Variants in MROH7 observed in about 807,000 individuals in gnomAD.
MROH7 encodes the protein maestro heat-like repeat-containing protein family member 7.
MROH7 carries 113 observed loss-of-function variants against 129.2 expected under a neutral mutation model. That is an observed-to-expected ratio of 0.87 (90% CI 0.75 to 1.02). The LOEUF (loss-of-function observed/expected upper bound fraction) is 1.02. Ranked by LOEUF, MROH7 falls within the 50% of genes least tolerant of loss-of-function variation. The probability of loss-of-function intolerance (pLI) is 0.00; values close to 1 mark genes in which losing one functional copy is unlikely to be tolerated. For synonymous variants in MROH7, 655 were observed against 667.9 expected (o/e 0.98, Z 0.30); for missense variants, 1,601 against 1,671.3 (o/e 0.96, Z 0.73).
At position 54,681,330 on chromosome 1, in the gene MROH7, G is replaced by A. The variant is rs546784911; in HGVS notation, c.2381+1285G>A. ...TATAGGAGCTGCCCTGGCTTAAATG[G>A]CACAGGCCTCACAGAGACCAGTATC... On this transcript the variant is annotated intron_variant, in intron 13 of 23. Transcript: ENST00000421030. 1.0e-3 allele frequency among the ~76,000 whole-genome samples: 153 copies of A among 152,150 alleles called. 1 individual carries two copies. The highest frequency in any genetic ancestry group is 2.0e-3 in the Non-Finnish European group (133 of 68,026).
chr1:54,670,559 G>C lies in MROH7; in HGVS notation c.1452G>C (p.Glu484Asp), dbSNP rs1265622187. 1 of 1,613,582 alleles carries C rather than the reference G, an allele frequency of 6.2e-7. No homozygotes were observed. The highest frequency in any genetic ancestry group is 8.5e-7 in the Non-Finnish European group (1 of 1,179,772). Reference protein sequence around the residue: ...LSSSVRKQAMEILTQLSHTQP... With the variant: ...LSSSVRKQAMDILTQLSHTQP... ...GCTCCGTCCGCAAGCAGGCCATGGA[G>C]ATCCTGACCCAGCTGAGGTGTCCAT... The change falls in exon 6 of 24, where the codon GAG becomes GAC. Residue 484 changes from glutamate (E) to aspartate (D), a missense_variant. Transcript: ENST00000421030.
Position 54,686,266 on chromosome 1 carries a change from C to A in MROH7, c.2529C>A (p.Ser843Arg). Residue 843 changes from serine to arginine, a missense_variant, in exon 15 of 24, where the codon AGC (serine) becomes AGA (arginine). Coordinates refer to ENST00000421030, the MANE Select transcript of MROH7 (RefSeq NM_001039464.4). ...RASIVPLAAASGLCELLSVNS... is the reference protein window; with the variant it reads ...RASIVPLAAARGLCELLSVNS... ...TCCCCTCTGCCCCATAGGCAGCCAGCGGCCTGTGCGAGCTCCTGTCCGTCA... is the reference window on the plus strand; with the variant it reads ...TCCCCTCTGCCCCATAGGCAGCCAGAGGCCTGTGCGAGCTCCTGTCCGTCA... 6.2e-7 allele frequency: 1 copy of A among 1,612,300 alleles called. No homozygotes were observed.
chr1:54,687,851 T>C (rs1645172440), intron 15 of MROH7, among the ~76,000 whole-genome samples: 1 of 151,298 alleles, frequency 6.6e-6, no homozygotes, highest in South Asian at 2.1e-4. Context: ...ATGAATGACA[T>C]TGAGTTTGCT....
At chr1:54,663,685 TAAAAA>T in intron 3 of MROH7, 2 of 276,402 alleles carry the variant, frequency 7.2e-6, no homozygotes, top group Admixed American at 5.0e-5. Context: ...CCATCAGCTC[TAAAAA>T]AAAAAAAAAA....
At chr1:54,674,758 A>G (rs1430252161) in intron 10 of MROH7, among the ~76,000 whole-genome samples, 1 of 152,148 alleles carries the variant, frequency 6.6e-6, no homozygotes, top group Non-Finnish European at 1.5e-5. Context: ...GGTGCACAGT[A>G]TCAGCTGTCA....
chr1:54,689,171 G>A (rs988463496), intron 15 of MROH7, among the ~76,000 whole-genome samples: 1 of 152,192 alleles, frequency 6.6e-6, no homozygotes, highest in African/African-American at 2.4e-5. Context: ...GATTAACCAT[G>A]TGGGCACTGA....
At chr1:54,665,362 A>G (rs1011215580) in intron 4 of MROH7, 122 bp downstream of exon 4, 2 of 659,120 alleles carry the variant, frequency 3.0e-6, no homozygotes, top group Admixed American at 5.6e-5. Flanking sequence ...CCTTTTCTCC[A>G]TAACATTCAT....
chr1:54,674,442 C>G (rs533850154), intron 10 of MROH7, among the ~76,000 whole-genome samples: 17 of 152,252 alleles, frequency 1.1e-4, no homozygotes, highest in African/African-American at 4.1e-4. Flanking sequence ...CTATGTATAC[C>G]TAAGGATAAT....
In MROH7 at chr1:54,686,271, T is replaced by C. The variant is rs1426081270; in HGVS notation, c.2534T>C (p.Leu845Pro). 2.5e-6 allele frequency: 4 copies of C among 1,613,190 alleles called. No homozygotes were observed. Among genetic ancestry groups the C allele is most frequent in the Non-Finnish European group, 3.4e-6 (4 of 1,179,546 alleles). Residue 845 changes from leucine to proline, a missense_variant, in exon 15 of 24, where the codon CTG (leucine) becomes CCG (proline). Coordinates refer to ENST00000421030, the MANE Select transcript of MROH7 (RefSeq NM_001039464.4). ...TCTGCCCCATAGGCAGCCAGCGGCC[T>C]GTGCGAGCTCCTGTCCGTCAACAGC... ...SIVPLAAASG[L>P]CELLSVNSCM...
rs1333646746 is a variant in MROH7, at chr1:54,685,088, C to T, written c.2521-1170C>T. Among the ~76,000 whole-genome samples, 3 of 151,380 alleles carry T rather than the reference C, an allele frequency of 2.0e-5. No homozygotes were observed. In the East Asian group the frequency reaches 5.9e-4, roughly 30 times the overall value. On this transcript the variant is annotated intron_variant, in intron 14 of 23. Coordinates refer to ENST00000421030, the MANE Select transcript of MROH7 (RefSeq NM_001039464.4). ...GGAGTGCAGTGGCATGATCTTGGTT[C>T]ACCACAACCCCTCCACCTCCCGGGT...
Position 54,686,372 on chromosome 1 carries a change from C to T in MROH7, c.2635C>T (p.Leu879Phe), listed in dbSNP as rs762789848. 1 of 1,614,178 alleles carries T rather than the reference C, an allele frequency of 6.2e-7. No individual in the cohort carries two copies. The highest frequency in any genetic ancestry group is 8.5e-7 in the Non-Finnish European group (1 of 1,180,042). ...LLIQVHYHIG[L>F]NLPGCVAPPK... The stretch of plus-strand genomic sequence containing the variant: ...CATTCAGGTCCATTACCACATCGGC[C>T]TCAACCTGCCTGGCTGCGTGGCTCC... Residue 879 changes from leucine (L) to phenylalanine (F), a missense_variant, in exon 15 of 24, where the codon CTC becomes TTC. By Grantham distance (22) the Leu-to-Phe change is conservative. Transcript: ENST00000421030.
chr1:54,670,671 G>A lies in MROH7; in HGVS notation c.1469+95G>A, dbSNP rs796755356. The A allele has an allele frequency of 4.8e-4, 167 of 349,142 alleles. 1 individual carries two copies. The African/African-American group carries it at 5.2e-3, about 11-fold the overall frequency. The allele number at this position is 349,142 out of a possible 1,614,324, so 21.6% of individuals were successfully genotyped here. On this transcript the variant is annotated intron_variant, in intron 6 of 23. Transcript: ENST00000421030. ...TCTTCGCTGTACCCTCCCCCAACCC[G>A]CCCCCACCCCTCGCCCGGTGCCTTT...
intron 10 of MROH7, among the ~76,000 whole-genome samples, chr1:54,675,765 A>AT (rs1336235840): frequency 2.0e-5 from 3 of 149,944 alleles, no homozygotes; most frequent in South Asian, 2.1e-4. Flanking sequence ...GCCTGGCTAA[A>AT]TTTTTTTTGT....
At chr1:54,699,972 C>T in intron 17 of MROH7, 1 of 616,638 alleles carries the variant, frequency 1.6e-6, no homozygotes. Flanking sequence ...GGTGGAACAG[C>T]CTGGGTAGTT....
At position 54,652,948 on chromosome 1, in the gene MROH7, A is replaced by G. The variant is rs750824933; in HGVS notation, c.22A>G (p.Asn8Asp). 6.2e-7 allele frequency: 1 copy of G among 1,605,272 alleles called. No homozygotes were observed. The highest frequency in any genetic ancestry group is 1.7e-5 in the Admixed American group (1 of 58,674). Residue 8 changes from asparagine (N) to aspartate (D), a missense_variant, in exon 3 of 24, where the codon AAC becomes GAC. Physicochemically the swap from Asn to Asp is conservative, Grantham distance 23. Transcript: ENST00000421030. Reference protein sequence around the residue: MALSPGANLVFHEDPKMT... With the variant: MALSPGADLVFHEDPKMT... ...GGACATGGCCCTGAGTCCAGGGGCT[A>G]ACCTGGTCTTCCATGAAGACCCAAA... is the stretch of plus-strand genomic sequence containing the variant.
Position 54,670,821 on chromosome 1 carries a change from C to T in MROH7, c.1491C>T (p.Gly497=). ...TQLSHTQPTL[G]MRERSELVNV... ...CCAGCCACACCCAGCCCACCCTGGG[C>T]ATGCGGGAGAGGTCGGAGCTGGTGA... Residue 497 remains glycine, a synonymous_variant, in exon 7 of 24, where the codon GGC becomes GGT. Coordinates refer to ENST00000421030, the MANE Select transcript of MROH7 (RefSeq NM_001039464.4). 6.2e-7 allele frequency: 1 copy of T among 1,614,132 alleles called. No homozygotes were observed. The highest frequency in any genetic ancestry group is 1.3e-5 in the African/African-American group (1 of 75,066).
intron 15 of MROH7, among the ~76,000 whole-genome samples, chr1:54,689,960 C>T (rs1308118157): frequency 6.6e-6 from 1 of 152,198 alleles, no homozygotes; most frequent in Non-Finnish European, 1.5e-5. Flanking sequence ...CTTGCCACTA[C>T]ACTCCAGCCT....
chr1:54,696,399 C>T (rs1369746800), intron 17 of MROH7, among the ~76,000 whole-genome samples: 7 of 152,170 alleles, frequency 4.6e-5, no homozygotes, highest in Admixed American at 3.9e-4. Flanking sequence ...TATTGTTATG[C>T]AACCATCACC....
At chr1:54,678,878 G>A (rs568529112) in intron 11 of MROH7, 24 bp downstream of exon 11, 6 of 1,576,526 alleles carry the variant, frequency 3.8e-6, no homozygotes, top group Non-Finnish European at 5.2e-6. Context: ...GCCCATCCAG[G>A]AGCGGAGGGT....
Sources: allele counts gnomAD v4.1 joint callset (sites outside exome capture counted in the v4.1 genomes callset), GRCh38; gene constraint gnomAD v4.1.1; transcripts MANE v1.5; gene names NCBI Gene and HGNC (gene_info 2026-07-23, HGNC 2026-07-21).